The following ACBD3 variants were observed in gnomAD, a reference collection of about 807,000 sequenced individuals.
ACBD3 encodes Golgi resident protein GCP60.
Under a neutral mutation model 66.9 loss-of-function variants are expected in ACBD3, and 30 were observed. The ratio of observed to expected loss-of-function variants is 0.45; its 90% CI spans 0.34 to 0.61. The LOEUF (loss-of-function observed/expected upper bound fraction) is 0.61, where lower values mean the gene tolerates loss of function less well. Ranked by LOEUF, ACBD3 falls within the 20% of genes least tolerant of loss-of-function variation. The pLI, the probability that ACBD3 is intolerant of heterozygous loss-of-function variation, is 0.02. For missense variants in ACBD3, 544 were observed against 664.5 expected, an observed-to-expected ratio of 0.82 and a Z score of 1.99; for synonymous variants, 278 against 259.8, an observed-to-expected ratio of 1.07 and a Z score of -0.68.
chr1:226,154,617 C>T (rs749643797), intron 6 of ACBD3, 30 bp downstream of exon 6: 3 of 1,584,220 alleles, frequency 1.9e-6, no homozygotes, highest in East Asian at 2.3e-5. Context: ...GGAATTATGA[C>T]ATCTGGACAA....
At chr1:226,168,085 A>G (rs900133863) in intron 1 of ACBD3, among the ~76,000 whole-genome samples, 18 of 152,288 alleles carry the variant, frequency 1.2e-4, no homozygotes, top group African/African-American at 4.3e-4. Context: ...CCCTACATAT[A>G]TTATGTTTTT....
intron 1 of ACBD3, among the ~76,000 whole-genome samples, chr1:226,171,761 C>T (rs1467246217): frequency 1.4e-5 from 2 of 147,728 alleles, no homozygotes; most frequent in African/African-American, 5.0e-5. Flanking sequence ...CAGGCTGGTC[C>T]TGAACTCCTG....
intron 1 of ACBD3, among the ~76,000 whole-genome samples, chr1:226,183,792 G>A (rs552382032): frequency 2.0e-5 from 3 of 150,680 alleles, no homozygotes; most frequent in East Asian, 4.0e-4. Flanking sequence ...GCAGAGGCAG[G>A]AGAATCACTT....
intron 5 of ACBD3, among the ~76,000 whole-genome samples, chr1:226,158,825 C>A (rs1576232644): frequency 6.6e-6 from 1 of 152,328 alleles, no homozygotes; most frequent in South Asian, 2.1e-4. Context: ...GGAGGCTGTC[C>A]AAGCCTCTGA....
intron 6 of ACBD3, among the ~76,000 whole-genome samples, chr1:226,153,139 C>T (rs1467620045): frequency 6.6e-6 from 1 of 152,142 alleles, no homozygotes; most frequent in Non-Finnish European, 1.5e-5. Context: ...CCACTAGGGA[C>T]TGAGAAAAAG....
intron 2 of ACBD3, among the ~76,000 whole-genome samples, chr1:226,165,415 C>T (rs1253263145): frequency 9.2e-5 from 14 of 152,290 alleles, no homozygotes; most frequent in Non-Finnish European, 2.9e-5. Context: ...AAATGATCTA[C>T]CCACCTCGGC....
intron 1 of ACBD3, among the ~76,000 whole-genome samples, chr1:226,174,408 C>T (rs1655971189): frequency 6.6e-6 from 1 of 152,138 alleles, no homozygotes; most frequent in Non-Finnish European, 1.5e-5. Flanking sequence ...AGATTGAACA[C>T]AGACAATTAC....
chr1:226,186,454 C>A lies in ACBD3; in HGVS notation c.222G>T (p.Arg74=). The A allele has an allele frequency of 5.3e-6, 8 of 1,507,306 alleles. No individual in the cohort carries two copies. The highest frequency in any genetic ancestry group is 7.1e-6 in the Non-Finnish European group (8 of 1,130,712). The allele number at this position is 1,507,306 out of a possible 1,614,324, so 93.4% of individuals were successfully genotyped here. Residue 74 remains arginine (R), a synonymous_variant, in exon 1 of 8, where the codon CGG becomes CGT. Transcript: ENST00000366812. The part of the protein sequence containing the change: ...AAGGAAEEAR[R]LEQRWGFGLE... ...GGCCGAAACCCCAGCGCTGCTCCAG[C>A]CGCCGCGCCTCCTCCGCCGCGCCCC...
chr1:226,174,109 T>C (rs1241758177), intron 1 of ACBD3, among the ~76,000 whole-genome samples: 1 of 152,040 alleles, frequency 6.6e-6, no homozygotes, highest in Non-Finnish European at 1.5e-5. Context: ...AAACGTTAAA[T>C]GTAGTTAGCA....
intron 1 of ACBD3, among the ~76,000 whole-genome samples, chr1:226,181,277 A>G (rs1462700283): frequency 2.0e-5 from 3 of 152,340 alleles, no homozygotes; most frequent in Admixed American, 2.0e-4. Context: ...CAGGAGGCAC[A>G]CTAATTATAT....
At chr1:226,165,567 A>C (rs1384663649) in intron 2 of ACBD3, among the ~76,000 whole-genome samples, 1 of 152,182 alleles carries the variant, frequency 6.6e-6, no homozygotes, top group African/African-American at 2.4e-5. Flanking sequence ...TAAGGGAATC[A>C]ATTACTATAT....
rs372965610 is a variant in ACBD3, at chr1:226,155,247, G to A, written c.904-414C>T. On this transcript the variant is annotated intron_variant, in intron 5 of 7. Transcript: ENST00000366812. Reference sequence around the variant, plus strand: ...AGCCTGACCAACATGGTGAAACCCCGTCTCTACTAAAAATACAAAATTAGC... The same window carrying A: ...AGCCTGACCAACATGGTGAAACCCCATCTCTACTAAAAATACAAAATTAGC... Among the ~76,000 whole-genome samples the A allele has an allele frequency of 3.6e-4, 54 of 151,934 alleles. No individual in the cohort carries two copies. In the South Asian group the frequency reaches 4.4e-3, roughly 12 times the overall value.
intron 1 of ACBD3, among the ~76,000 whole-genome samples, chr1:226,183,056 T>C (rs182711660): frequency 6.4e-4 from 98 of 152,348 alleles, no homozygotes; most frequent in Non-Finnish European, 1.1e-3. Context: ...CTGACAAGGA[T>C]GGAATAAGAA....
At position 226,152,464 on chromosome 1, in the gene ACBD3, G is replaced by C. The variant is rs748837461; in HGVS notation, c.1246C>G (p.Leu416Val). The C allele has an allele frequency of 6.2e-7, 1 of 1,614,066 alleles. No individual in the cohort carries two copies. The highest frequency in any genetic ancestry group is 8.5e-7 in the Non-Finnish European group (1 of 1,180,056). ...RVPTHEEGSY[L>V]FWEFATDNYD... ...TTGTCTGTGGCAAATTCCCAAAAGA[G>C]ATATGATCCTTCTTCATGGGTGGGT... is the stretch of plus-strand genomic sequence containing the variant. Residue 416 changes from leucine (L) to valine (V), a missense_variant, in exon 7 of 8, where the codon CTC becomes GTC. Coordinates refer to ENST00000366812, the MANE Select transcript of ACBD3 (RefSeq NM_022735.4).
chr1:226,165,496 C>T (rs1659860857), intron 2 of ACBD3, among the ~76,000 whole-genome samples: 1 of 152,144 alleles, frequency 6.6e-6, no homozygotes. Context: ...ATATTTGAGC[C>T]TTAATTAAAC....
intron 1 of ACBD3, among the ~76,000 whole-genome samples, chr1:226,173,846 C>T (rs1188128778): frequency 2.1e-5 from 3 of 145,210 alleles, no homozygotes; most frequent in Non-Finnish European, 3.0e-5. Context: ...CTGCAACTTC[C>T]ACCTCCCAGG....
intron 1 of ACBD3, among the ~76,000 whole-genome samples, chr1:226,166,566 G>A (rs1395690163): frequency 6.7e-6 from 1 of 149,784 alleles, no homozygotes; most frequent in African/African-American, 2.5e-5. Flanking sequence ...GCTCACTGCA[G>A]CCTCAACCTG....
intron 7 of ACBD3, among the ~76,000 whole-genome samples, chr1:226,148,588 G>C (rs557325310): frequency 3.1e-4 from 47 of 152,310 alleles, no homozygotes; most frequent in African/African-American, 1.1e-3. Flanking sequence ...TACTGGGATA[G>C]ATGAAAAGGC....
chr1:226,161,804 A>G, intron 3 of ACBD3, 115 bp from the exon 4 acceptor site: 1 of 1,229,882 alleles, frequency 8.1e-7, no homozygotes, highest in Non-Finnish European at 1.1e-6. Context: ...GGATATATAC[A>G]TCAAAATTTA....
Sources: gnomAD v4.1 joint callset for allele counts (sites outside exome capture counted in the v4.1 genomes callset) on GRCh38, gnomAD v4.1.1 for gene constraint, MANE v1.5 for transcripts, NCBI Gene and HGNC (gene_info 2026-07-23, HGNC 2026-07-21) for gene names.